The following MASP1 variants were observed in gnomAD, a reference collection of about 807,000 sequenced individuals.
MASP1 encodes MBL associated serine protease 1, also known as mannan-binding lectin serine protease 1.
In MASP1, 59 loss-of-function variants were observed where a neutral mutation model predicts 77.1. That is an observed-to-expected ratio of 0.77 (90% CI 0.62 to 0.95). The LOEUF (loss-of-function observed/expected upper bound fraction) is 0.95, where lower values mean the gene tolerates loss of function less well. MASP1 is among the 40% of genes least tolerant of loss of function. The probability of loss-of-function intolerance (pLI) is 0.00; values close to 1 mark genes in which losing one functional copy is unlikely to be tolerated. For missense variants in MASP1, 885 were observed against 912.9 expected (o/e 0.97, Z 0.39); for synonymous variants, 362 against 354.5 (o/e 1.02, Z -0.24).
intron 2 of MASP1, among the ~76,000 whole-genome samples, chr3:187,264,700 T>A (rs1016513990): frequency 6.6e-6 from 1 of 152,226 alleles, no homozygotes; most frequent in Non-Finnish European, 1.5e-5. Flanking sequence ...TCATGTTTTA[T>A]TTCCTGTCTT....
intron 11 of MASP1, among the ~76,000 whole-genome samples, chr3:187,228,459 C>T (rs902738923): frequency 6.6e-6 from 1 of 152,198 alleles, no homozygotes; most frequent in Non-Finnish European, 1.5e-5. Flanking sequence ...CTCTGCTTCT[C>T]TCCAACTTCC....
chr3:187,259,961 G>A (rs1233791795), intron 4 of MASP1, among the ~76,000 whole-genome samples: 1 of 152,142 alleles, frequency 6.6e-6, no homozygotes, highest in Non-Finnish European at 1.5e-5. Context: ...TGCCTGGAAG[G>A]CCCTTCTTCT....
At chr3:187,260,628 T>C (rs1313494903) in intron 4 of MASP1, 113 bp downstream of exon 4, 1 of 1,454,580 alleles carries the variant, frequency 6.9e-7, no homozygotes, top group Non-Finnish European at 9.6e-7. Context: ...GGTGCATCAT[T>C]GACTTCATTT....
chr3:187,255,306 C>T (rs1714980156), intron 5 of MASP1, among the ~76,000 whole-genome samples: 1 of 152,166 alleles, frequency 6.6e-6, no homozygotes, highest in Non-Finnish European at 1.5e-5. Context: ...AGCTGAGAGC[C>T]ACCACTGGCT....
chr3:187,223,042 A>G (rs1712161370), intron 14 of MASP1: 4 of 1,288,192 alleles, frequency 3.1e-6, no homozygotes, highest in Non-Finnish European at 3.4e-6. Context: ...CCAAGCCTCA[A>G]AATCCCTAAG....
chr3:187,250,199 G>A (rs529929867), intron 8 of MASP1, 52 bp downstream of exon 8: 20 of 1,450,316 alleles, frequency 1.4e-5, no homozygotes, highest in South Asian at 9.1e-5. Context: ...CTCGGATCCC[G>A]CCAGTGCTGG....
At chr3:187,229,963 C>A, downstream of MASP1, 1 of 1,582,662 alleles carries the variant, frequency 6.3e-7, no homozygotes, top group East Asian at 2.2e-5. Flanking sequence ...ACTGCCAGAG[C>A]TCCCAGCTCC....
chr3:187,275,465 C>A (rs899778948), intron 2 of MASP1, among the ~76,000 whole-genome samples: 1 of 152,106 alleles, frequency 6.6e-6, no homozygotes, highest in South Asian at 2.1e-4. Context: ...GCCACTCATA[C>A]CTCAGGGGTC....
intron 11 of MASP1, chr3:187,226,591 A>G (rs1712449608): frequency 1.0e-5 from 11 of 1,061,438 alleles, no homozygotes; most frequent in South Asian, 6.7e-5. Context: ...TGAGCTGAGG[A>G]TCTTCAGGCT....
downstream of MASP1, among the ~76,000 whole-genome samples, chr3:187,233,921 TC>T (rs1261093851): frequency 6.6e-6 from 1 of 152,194 alleles, no homozygotes; most frequent in Non-Finnish European, 1.5e-5. Flanking sequence ...AATAACCAAA[TC>T]CTTTCCTCAT....
intron 4 of MASP1, among the ~76,000 whole-genome samples, 178 bp from the exon 5 acceptor site, chr3:187,257,038 G>A (rs1313175327): frequency 3.9e-5 from 6 of 152,016 alleles, no homozygotes; most frequent in Admixed American, 1.3e-4. Context: ...GTAATTTACC[G>A]AGCTGAGATT....
intron 8 of MASP1, among the ~76,000 whole-genome samples, chr3:187,247,990 C>T (rs1218037298): frequency 6.6e-6 from 1 of 152,074 alleles, no homozygotes; most frequent in African/African-American, 2.4e-5. Flanking sequence ...CTTGTAAGCC[C>T]CAGAAGCCTG....
intron 13 of MASP1, among the ~76,000 whole-genome samples, chr3:187,224,368 A>G (rs1712257057): frequency 2.6e-5 from 3 of 113,276 alleles, no homozygotes; most frequent in Non-Finnish European, 3.4e-5. Flanking sequence ...TTTTTTTGAG[A>G]CGGAGTCTCG....
intron 2 of MASP1, chr3:187,276,887 T>C (rs539265352): frequency 2.6e-5 from 4 of 152,328 alleles, no homozygotes; most frequent in East Asian, 1.9e-4. Context: ...AGCAGAGTTA[T>C]GCAGTAGGTG....
intron 7 of MASP1, 24 bp from the exon 8 acceptor site, chr3:187,250,353 AGTGGGAAGAAGGAG>A (rs1714463831): frequency 6.4e-7 from 1 of 1,564,494 alleles, no homozygotes; most frequent in Non-Finnish European, 8.8e-7. Flanking sequence ...GGAAGAAGGG[AGTGGGAAGAAGGAG>A]GTGGGGGTGG....
intron 9 of MASP1, 161 bp from the exon 10 acceptor site, chr3:187,241,716 TAAG>T (rs1259588216): frequency 3.3e-5 from 20 of 611,954 alleles, no homozygotes; most frequent in Non-Finnish European, 5.7e-5. Context: ...CTAGATGTAC[TAAG>T]AAGAATGAGG....
rs555725355 is a variant in MASP1 at position 187,278,974 on chromosome 3, C to G, written c.237+6851G>C. 5.9e-5 allele frequency among the ~76,000 whole-genome samples: 9 copies of G among 152,270 alleles called. No homozygotes were observed. In the East Asian group the frequency reaches 1.5e-3, roughly 26 times the overall value. ...GACTGTGTCACATCCCCGAACCCCA[C>G]TGCCCCACCCCTCCGCCACATCACA... On this transcript the variant is annotated intron_variant, in intron 2 of 10. Transcript: ENST00000296280.
intron 11 of MASP1, among the ~76,000 whole-genome samples, chr3:187,228,112 A>G (rs955345971): frequency 6.6e-6 from 1 of 152,132 alleles, no homozygotes; most frequent in Non-Finnish European, 1.5e-5. Context: ...GGGAATAAAC[A>G]TACAATGAAT....
chr3:187,241,458 A>G (rs1207597253), intron 10 of MASP1, 23 bp downstream of exon 10: 97 of 1,607,470 alleles, frequency 6.0e-5, no homozygotes, highest in Non-Finnish European at 8.2e-5. Context: ...ACTGTGAGGC[A>G]AAGGATTTGG....
Sources: allele counts gnomAD v4.1 joint callset (sites outside exome capture counted in the v4.1 genomes callset), GRCh38; gene constraint gnomAD v4.1.1; transcripts MANE v1.5; gene names NCBI Gene and HGNC (gene_info 2026-07-23, HGNC 2026-07-21).